The following HACL1 variants were observed in gnomAD, a reference collection of about 807,000 sequenced individuals.
HACL1 encodes 1600020H07Rik.
HACL1 carries 64 observed loss-of-function variants against 74.2 expected under a neutral mutation model. That is an observed-to-expected ratio of 0.86 (90% CI 0.70 to 1.06). The LOEUF is 1.06. Ranked by LOEUF, HACL1 falls within the 50% of genes least tolerant of loss-of-function variation. The pLI, the probability that HACL1 is intolerant of heterozygous loss-of-function variation, is 0.00. For missense variants in HACL1, 728 were observed against 719.7 expected (o/e 1.01, Z -0.13); for synonymous variants, 230 against 238.8 (o/e 0.96, Z 0.34).
intron 2 of HACL1, among the ~76,000 whole-genome samples, chr3:15,597,045 A>G (rs1450392858): frequency 6.6e-6 from 1 of 152,132 alleles, no homozygotes. Context: ...TTCTATTCAA[A>G]ATATTTTCTA....
At chr3:15,586,489 C>T in intron 6 of HACL1, 36 bp downstream of exon 6, 2 of 1,109,204 alleles carry the variant, frequency 1.8e-6, no homozygotes, top group Non-Finnish European at 2.7e-6. Flanking sequence ...TGAGAAAAAT[C>T]AGTTGACTTG....
intron 9 of HACL1, among the ~76,000 whole-genome samples, chr3:15,579,484 A>G (rs937117256): frequency 2.0e-5 from 3 of 152,236 alleles, no homozygotes; most frequent in African/African-American, 7.2e-5. Flanking sequence ...GACAGTATCA[A>G]AATGGATGAA....
Position 15,592,499 on chromosome 3 carries a change from CACTTGT to C in HACL1, c.228-825_228-820del, listed in dbSNP as rs1559561801. Among the ~76,000 whole-genome samples, 44 of 144,780 alleles carry C rather than the reference CACTTGT, an allele frequency of 3.0e-4. 3 individuals are homozygous for C. Among genetic ancestry groups the C allele is most frequent in the African/African-American group, 1.0e-3 (37 of 35,294 alleles). The allele number at this position is 144,780 out of a possible 152,430, so 95.0% of individuals were successfully genotyped here. ...GTATACATACACTTGTATACATATA[CACTTGT>C]ATATACACTTGTATACATATACACA... On this transcript the variant is annotated intron_variant, in intron 3 of 16. Coordinates refer to ENST00000321169, the MANE Select transcript of HACL1 (RefSeq NM_012260.4).
chr3:15,598,539 AG>A (rs1325952909), intron 2 of HACL1, among the ~76,000 whole-genome samples: 1 of 152,228 alleles, frequency 6.6e-6, no homozygotes, highest in African/African-American at 2.4e-5. Context: ...CACTGCTGTG[AG>A]GATGAAATCA....
chr3:15,597,359 G>A (rs902376151), intron 2 of HACL1, among the ~76,000 whole-genome samples: 2 of 151,962 alleles, frequency 1.3e-5, no homozygotes, highest in African/African-American at 4.8e-5. Flanking sequence ...TTTCCTTTAT[G>A]GCCTGCATAT....
intron 5 of HACL1, among the ~76,000 whole-genome samples, chr3:15,588,348 C>G (rs1273274198): frequency 6.6e-6 from 1 of 152,088 alleles, no homozygotes; most frequent in Non-Finnish European, 1.5e-5. Flanking sequence ...AATCCCAGTA[C>G]TTTGGGAGGC....
At chr3:15,581,437 A>G (rs2063714864) in intron 8 of HACL1, among the ~76,000 whole-genome samples, 1 of 152,182 alleles carries the variant, frequency 6.6e-6, no homozygotes, top group Non-Finnish European at 1.5e-5. Flanking sequence ...ATTCAATATA[A>G]TGCTCCACTC....
intron 9 of HACL1, among the ~76,000 whole-genome samples, chr3:15,576,887 C>A (rs1225241542): frequency 6.6e-6 from 1 of 152,018 alleles, no homozygotes; most frequent in African/African-American, 2.4e-5. Context: ...TCCTATGAGA[C>A]CCAATTTAAC....
chr3:15,595,527 A>G (rs1461241632), intron 3 of HACL1, among the ~76,000 whole-genome samples: 5 of 152,044 alleles, frequency 3.3e-5, no homozygotes, highest in Non-Finnish European at 7.4e-5. Flanking sequence ...AAATACATAG[A>G]TAAGGGAAAA....
intron 9 of HACL1, 65 bp downstream of exon 9, chr3:15,579,845 A>G (rs901488469): frequency 2.3e-5 from 27 of 1,177,732 alleles, no homozygotes; most frequent in Non-Finnish European, 2.9e-5. Flanking sequence ...TGAAGATCAC[A>G]AAATAATTTA....
intron 10 of HACL1, among the ~76,000 whole-genome samples, chr3:15,574,756 A>G (rs1176116600): frequency 7.1e-6 from 1 of 140,548 alleles, no homozygotes; most frequent in Non-Finnish European, 1.5e-5. Flanking sequence ...TTGATTTTGA[A>G]AGGTTTTCTG....
intron 13 of HACL1, 119 bp from the exon 14 acceptor site, chr3:15,568,121 T>G: frequency 2.3e-6 from 2 of 857,484 alleles, no homozygotes; most frequent in Non-Finnish European, 3.6e-6. Context: ...CATAAAAACA[T>G]TCTCTTTCTT....
At chr3:15,580,522 C>G (rs1479294050) in intron 8 of HACL1, among the ~76,000 whole-genome samples, 1 of 152,214 alleles carries the variant, frequency 6.6e-6, no homozygotes, top group African/African-American at 2.4e-5. Flanking sequence ...AGTAAGAGTT[C>G]TAATTTTCCA....
At chr3:15,587,404 T>C (rs2063814687) in intron 5 of HACL1, among the ~76,000 whole-genome samples, 1 of 147,194 alleles carries the variant, frequency 6.8e-6, no homozygotes, top group African/African-American at 2.5e-5. Flanking sequence ...TGTTTTAGTA[T>C]GAAATCTATG....
At chr3:15,596,643 A>G (rs1407369122) in intron 2 of HACL1, among the ~76,000 whole-genome samples, 1 of 152,242 alleles carries the variant, frequency 6.6e-6, no homozygotes, top group Non-Finnish European at 1.5e-5. Context: ...TATTCAAAAC[A>G]TCCTCTTACA....
Position 15,601,382 on chromosome 3 carries a change from C to G in HACL1, c.81+1G>C. 6.2e-7 allele frequency: 1 copy of G among 1,614,168 alleles called. No homozygotes were observed. Among genetic ancestry groups the G allele is most frequent in the Non-Finnish European group, 8.5e-7 (1 of 1,180,040 alleles). ...TTTCATTCCAGGAAGGTCCATCGTA[C>G]TTGCGTTTTCAGGGCCTGAGCGATG... On this transcript the variant is annotated splice_donor_variant, in intron 1 of 16. Transcript: ENST00000321169. LOFTEE classifies it high-confidence loss of function.
intron 8 of HACL1, among the ~76,000 whole-genome samples, chr3:15,581,493 A>G (rs998327936): frequency 5.3e-5 from 8 of 152,190 alleles, no homozygotes; most frequent in African/African-American, 1.9e-4. Flanking sequence ...ATGATGAAAA[A>G]TAGTTCCTTT....
chr3:15,598,762 C>T (rs2064121776), intron 2 of HACL1, among the ~76,000 whole-genome samples: 1 of 152,182 alleles, frequency 6.6e-6, no homozygotes, highest in African/African-American at 2.4e-5. Flanking sequence ...TTTCATGTTC[C>T]CTCTGAATCA....
At position 15,601,497 on chromosome 3, in the gene HACL1, C is replaced by T. The variant is rs367946120; in HGVS notation, c.-34G>A. ...GAAAAGCTCTAAGCACTCACGCAGC[C>T]GGCAAACAAGCGGAATCATCCAGCA... On this transcript the variant is annotated 5_prime_UTR_variant, in exon 1 of 17. Coordinates refer to ENST00000321169, the MANE Select transcript of HACL1 (RefSeq NM_012260.4). 4 of 1,610,530 alleles carry T rather than the reference C, an allele frequency of 2.5e-6. No individual in the cohort carries two copies. Among genetic ancestry groups the T allele is most frequent in the African/African-American group, 1.3e-5 (1 of 74,924 alleles).
Sources: allele counts gnomAD v4.1 joint callset (sites outside exome capture counted in the v4.1 genomes callset), GRCh38; gene constraint gnomAD v4.1.1; transcripts MANE v1.5; gene names NCBI Gene and HGNC (gene_info 2026-07-23, HGNC 2026-07-21).